Variants in PCDHA7 observed in about 807,000 individuals in gnomAD.
PCDHA7 encodes the protein protocadherin alpha 7.
A neutral mutation model predicts 57.2 loss-of-function variants in PCDHA7; 37 were observed. The ratio of observed to expected loss-of-function variants is 0.65; its 90% CI spans 0.50 to 0.85. The LOEUF is 0.85. Among genes scored for constraint, PCDHA7 ranks in the 40% least tolerant of loss-of-function variants. PCDHA7 has a pLI of 0.00. For missense variants in PCDHA7, 1,188 were observed against 1,241.8 expected (o/e 0.96, Z 0.65); for synonymous variants, 553 against 558.8 (o/e 0.99, Z 0.15).
chr5:140,928,351 G>A lies in PCDHA7; in HGVS notation c.2356-50598G>A, dbSNP rs201396871. ...CCTTGTCTCTTATGAGCTGTTGGAT[G>A]TTATCTCTGAAGGGCCATCAGCCTC... On this transcript the variant is annotated intron_variant, in intron 1 of 3. Coordinates refer to ENST00000525929, the MANE Select transcript of PCDHA7 (RefSeq NM_018910.3). The A allele has an allele frequency of 1.2e-5, 20 of 1,614,150 alleles. No individual in the cohort carries two copies. In the East Asian group the frequency reaches 4.5e-4, roughly 36 times the overall value.
rs1026448396 is a variant in PCDHA7 at position 140,869,464 on chromosome 5, G to A, written c.2355+32726G>A. 1.1e-5 allele frequency: 18 copies of A among 1,614,080 alleles called. No individual in the cohort carries two copies. Among genetic ancestry groups the A allele is most frequent in the Non-Finnish European group, 1.4e-5 (17 of 1,180,040 alleles). ...GCCGCTGCAGGTTTTCCATGTGAAC[G>A]TGGAGGTGAAGGACATTAACGACAA... On this transcript the variant is annotated intron_variant, in intron 1 of 3. Transcript: ENST00000525929.
chr5:140,983,711 G>C (rs2097062291), intron 3 of PCDHA7, among the ~76,000 whole-genome samples: 1 of 152,202 alleles, frequency 6.6e-6, no homozygotes, highest in Non-Finnish European at 1.5e-5. Context: ...AGTATATCTA[G>C]CACTTATATT....
At chr5:140,912,897 G>GT (rs1364534308) in intron 1 of PCDHA7, among the ~76,000 whole-genome samples, 12 of 152,290 alleles carry the variant, frequency 7.9e-5, no homozygotes, top group Admixed American at 3.3e-4. Context: ...TTGATATGAT[G>GT]TATCATATTG....
chr5:140,967,888 G>A, intron 1 of PCDHA7: 1 of 1,614,138 alleles, frequency 6.2e-7, no homozygotes, highest in South Asian at 1.1e-5. Context: ...ATAGCCCAGT[G>A]CCTGAGAATG....
At chr5:140,993,521 G>C (rs1554253818) in intron 3 of PCDHA7, among the ~76,000 whole-genome samples, 4 of 151,128 alleles carry the variant, frequency 2.6e-5, no homozygotes, top group Admixed American at 2.0e-4. Flanking sequence ...GGGAGAGAGA[G>C]ACAGAGAGAG....
intron 1 of PCDHA7, chr5:140,841,882 T>A: frequency 6.2e-7 from 1 of 1,613,800 alleles, no homozygotes; most frequent in Non-Finnish European, 8.5e-7. Context: ...CAAAGAACGA[T>A]GAGAATAAAC....
At chr5:140,876,223 T>C (rs2056212607) in intron 1 of PCDHA7, 2 of 1,613,782 alleles carry the variant, frequency 1.2e-6, no homozygotes, top group Non-Finnish European at 1.7e-6. Flanking sequence ...TAAAGTAGTG[T>C]TGTCTGAAAA....
rs2150215618 is a variant in PCDHA7 at position 140,834,356 on chromosome 5, G to T, written c.-28G>T. On this transcript the variant is annotated 5_prime_UTR_variant, in exon 1 of 4. Coordinates refer to ENST00000525929, the MANE Select transcript of PCDHA7 (RefSeq NM_018910.3). ...TATAAATTCGAAGGCAAGTTTTGCT[G>T]ACTAGAAAAACAAGCCAATAATTTG... 43 of 1,542,626 alleles carry T rather than the reference G, an allele frequency of 2.8e-5. No homozygotes were observed. Among genetic ancestry groups the T allele is most frequent in the Non-Finnish European group, 3.7e-5 (42 of 1,145,056 alleles).
intron 1 of PCDHA7, chr5:140,863,368 C>A (rs1562578744): frequency 8.4e-7 from 1 of 1,192,682 alleles, no homozygotes; most frequent in Non-Finnish European, 1.2e-6. Flanking sequence ...GTGCTTGGCG[C>A]AGCTCACCGA....
At chr5:140,926,957 T>G in intron 1 of PCDHA7, 1 of 1,602,892 alleles carries the variant, frequency 6.2e-7, no homozygotes, top group Non-Finnish European at 8.5e-7. Context: ...GCGGGACAGC[T>G]CGAGTACTCA....
At chr5:140,884,520 C>A (rs782029549) in intron 1 of PCDHA7, 1 of 1,614,036 alleles carries the variant, frequency 6.2e-7, no homozygotes, top group Non-Finnish European at 8.5e-7. Flanking sequence ...TGGTCGTACT[C>A]GCAGCAGAGG....
At chr5:140,975,365 A>G (rs186836387) in intron 1 of PCDHA7, among the ~76,000 whole-genome samples, 5 of 152,370 alleles carry the variant, frequency 3.3e-5, no homozygotes, top group Admixed American at 2.0e-4. Context: ...GCTACATAGC[A>G]TAATGTAATC....
chr5:140,995,180 A>C (rs1014057978), intron 3 of PCDHA7, among the ~76,000 whole-genome samples: 4 of 152,190 alleles, frequency 2.6e-5, no homozygotes, highest in African/African-American at 9.7e-5. Context: ...AGGTGCACCT[A>C]TGATAAAGTT....
At chr5:140,883,635 C>G (rs997170789) in intron 1 of PCDHA7, 13 of 1,613,058 alleles carry the variant, frequency 8.1e-6, no homozygotes, top group Non-Finnish European at 1.1e-5. Context: ...CCGGCGTTCG[C>G]GCAGCCCGAG....
intron 1 of PCDHA7, among the ~76,000 whole-genome samples, chr5:140,924,892 C>A: frequency 1.2e-5 from 1 of 82,680 alleles, no homozygotes; most frequent in Admixed American, 1.2e-4. Context: ...AAGAACCTGT[C>A]TCAAAAAAAA....
intron 1 of PCDHA7, chr5:140,930,379 G>T (rs1249793792): frequency 6.6e-6 from 1 of 151,896 alleles, no homozygotes; most frequent in African/African-American, 2.4e-5. Flanking sequence ...GTGGCCCTTG[G>T]CATTTCAAAA....
intron 1 of PCDHA7, among the ~76,000 whole-genome samples, chr5:140,907,450 T>C (rs1235040607): frequency 1.1e-4 from 17 of 152,218 alleles, no homozygotes; most frequent in Non-Finnish European, 2.5e-4. Context: ...CAGATGGTAA[T>C]CTTGGCAGAA....
At chr5:140,933,848 C>T (rs1176922942) in intron 1 of PCDHA7, among the ~76,000 whole-genome samples, 6 of 151,862 alleles carry the variant, frequency 4.0e-5, no homozygotes, top group African/African-American at 1.5e-4. Context: ...ATTCCTGTAC[C>T]TTTAATTTTT....
Position 140,969,610 on chromosome 5 carries a change from G to A in PCDHA7, c.2356-9339G>A, listed in dbSNP as rs1468528731. 9 of 723,424 alleles carry A rather than the reference G, an allele frequency of 1.2e-5. No individual in the cohort carries two copies. In the African/African-American group the frequency reaches 1.4e-4, roughly 11 times the overall value. The allele number at this position is 723,424 out of a possible 1,614,324, so 44.8% of individuals were successfully genotyped here. On this transcript the variant is annotated intron_variant, in intron 1 of 3. Transcript: ENST00000525929. ...TCTTAATATTTAATGCTAAAACACA[G>A]ATTTGTAGAGAAACAGGACAGGCCT...
Sources: allele counts gnomAD v4.1 joint callset (sites outside exome capture counted in the v4.1 genomes callset), GRCh38; gene constraint gnomAD v4.1.1; transcripts MANE v1.5; gene names NCBI Gene and HGNC (gene_info 2026-07-23, HGNC 2026-07-21).